Variants in ANKRD30B observed in about 807,000 individuals in gnomAD.
ANKRD30B encodes the protein ankyrin repeat domain 30B, also known as ankyrin repeat domain-containing protein 30B.
A neutral mutation model predicts 202.2 loss-of-function variants in ANKRD30B; 144 were observed. That is an observed-to-expected ratio of 0.71 (90% CI 0.62 to 0.82). The LOEUF is 0.82. ANKRD30B is among the 40% of genes least tolerant of loss of function. The pLI, the probability that ANKRD30B is intolerant of heterozygous loss-of-function variation, is 0.00. For missense variants in ANKRD30B, 1,487 were observed against 1,669.1 expected (o/e 0.89, Z 1.90); for synonymous variants, 508 against 561.3 (o/e 0.91, Z 1.34).
At chr18:14,865,187 C>T in the ANKRD30B span, among the ~76,000 whole-genome samples, 1 of 151,710 alleles carries the variant, frequency 6.6e-6, no homozygotes, top group East Asian at 2.0e-4. Flanking sequence ...TGCCTATCGT[C>T]TTTTCGCAAA....
rs754325447 is a variant in ANKRD30B, at chr18:14,851,924, A to C, written c.3980A>C (p.Asp1327Ala). 5.0e-6 allele frequency: 8 copies of C among 1,605,006 alleles called. No individual in the cohort carries two copies. The highest frequency in any genetic ancestry group is 6.8e-6 in the Non-Finnish European group (8 of 1,174,806). ...GAACTTGCTTTCCACAGTGCAGGAG[A>C]TGCTCCTTTGCAAGGAATAATGAAT... ...NQELAFHSAG[D>A]APLQGIMNVD... The change falls in exon 42 of 44, where the codon GAT becomes GCT. Residue 1327 changes from aspartate (D) to alanine (A), a missense_variant. Coordinates refer to ENST00000690538, the MANE Select transcript of ANKRD30B (RefSeq NM_001367607.2).
rs749760151 is a variant in ANKRD30B, at chr18:14,763,756, C to T, written c.891C>T (p.Ser297=). 6.2e-7 allele frequency: 1 copy of T among 1,614,004 alleles called. No individual in the cohort carries two copies. The highest frequency in any genetic ancestry group is 1.7e-5 in the Admixed American group (1 of 59,992). Residue 297 remains serine (S), a synonymous_variant, in exon 7 of 44, where the codon AGC becomes AGT. Transcript: ENST00000690538. ...AAAGAACACCTGACACGGCTGAAAG[C>T]TTGCTGGAAAAAACACCTGACGAGG... ...LAERTPDTAE[S]LLEKTPDEAA...
At chr18:14,845,079 G>T (rs1206317973) in intron 39 of ANKRD30B, among the ~76,000 whole-genome samples, 1 of 151,950 alleles carries the variant, frequency 6.6e-6, no homozygotes, top group African/African-American at 2.4e-5. Context: ...TTGCTGTGCT[G>T]AAGCTCTTTA....
the ANKRD30B span, among the ~76,000 whole-genome samples, chr18:14,885,736 T>C: frequency 1.3e-5 from 2 of 152,122 alleles, no homozygotes; most frequent in Admixed American, 1.3e-4. Context: ...TGTCATTAAA[T>C]TGAATTTGTA....
At chr18:14,892,194 C>G in the ANKRD30B span, among the ~76,000 whole-genome samples, 1 of 152,220 alleles carries the variant, frequency 6.6e-6, no homozygotes, top group African/African-American at 2.4e-5. Flanking sequence ...AAAGAGAATG[C>G]TGATGCACAA....
At chr18:14,841,348 A>G (rs1284005073) in intron 37 of ANKRD30B, among the ~76,000 whole-genome samples, 1 of 152,124 alleles carries the variant, frequency 6.6e-6, no homozygotes, top group African/African-American at 2.4e-5. Flanking sequence ...GGCATTTTTA[A>G]TAAATTCTCA....
rs34809108 is a variant in ANKRD30B, at chr18:14,792,729, AATATAT to A, written c.1825+1253_1825+1258del. On this transcript the variant is annotated intron_variant, in intron 16 of 43. Transcript: ENST00000690538. The stretch of plus-strand genomic sequence containing the variant: ...TTTTCTTTATTACTATGAGGCATCA[AATATAT>A]ATATATATATATATGTATATATTTT... 2.2e-4 allele frequency among the ~76,000 whole-genome samples: 32 copies of A among 147,736 alleles called. No individual in the cohort carries two copies. In the South Asian group the frequency reaches 3.0e-3, roughly 14 times the overall value.
At chr18:14,775,256 G>A (rs993574716) in intron 9 of ANKRD30B, among the ~76,000 whole-genome samples, 1 of 152,244 alleles carries the variant, frequency 6.6e-6, no homozygotes. Context: ...TTTGAAGCCA[G>A]TGTAGAATAG....
At chr18:14,756,039 A>G (rs1254464062) in intron 4 of ANKRD30B, among the ~76,000 whole-genome samples, 2 of 152,176 alleles carry the variant, frequency 1.3e-5, no homozygotes, top group African/African-American at 4.8e-5. Flanking sequence ...AAGTGTTCCT[A>G]TTTCTCCACA....
At chr18:14,938,367 G>A in the ANKRD30B span, among the ~76,000 whole-genome samples, 1 of 152,222 alleles carries the variant, frequency 6.6e-6, no homozygotes, top group African/African-American at 2.4e-5. Flanking sequence ...AGGATGAAAT[G>A]CTCCCACGCT....
At chr18:14,861,457 G>A in the ANKRD30B span, among the ~76,000 whole-genome samples, 1 of 151,046 alleles carries the variant, frequency 6.6e-6, no homozygotes, top group East Asian at 1.9e-4. Flanking sequence ...AACAAAAAAG[G>A]AGAGGTATTG....
chr18:14,782,674 G>A (rs1410745494), intron 12 of ANKRD30B, 60 bp downstream of exon 12: 6 of 1,101,350 alleles, frequency 5.4e-6, no homozygotes, highest in Non-Finnish European at 6.4e-6. Flanking sequence ...AACGCATGAT[G>A]ACTGAAATAC....
chr18:14,877,956 T>G, the ANKRD30B span: 1 of 152,178 alleles, frequency 6.6e-6, no homozygotes, highest in African/African-American at 2.4e-5. Context: ...TCTTTTTGTC[T>G]CCCTGACTCT....
intron 4 of ANKRD30B, among the ~76,000 whole-genome samples, chr18:14,757,274 C>A (rs1309151358): frequency 6.6e-6 from 1 of 152,054 alleles, no homozygotes; most frequent in African/African-American, 2.4e-5. Flanking sequence ...TACATAATAC[C>A]GAGTATGACT....
intron 39 of ANKRD30B, among the ~76,000 whole-genome samples, chr18:14,847,068 ATATATATATATATATATATATATAT>A (rs1568072812): frequency 3.1e-5 from 1 of 31,784 alleles, no homozygotes; most frequent in Non-Finnish European, 7.1e-5. Flanking sequence ...ATATATATAT[ATATATATATATATATATATATATAT>A]GTATAATGTT....
intron 7 of ANKRD30B, among the ~76,000 whole-genome samples, chr18:14,768,002 T>C (rs1008895079): frequency 1.3e-5 from 2 of 152,234 alleles, no homozygotes; most frequent in African/African-American, 4.8e-5. Context: ...TGTCTTTGTA[T>C]GCTAATAATT....
chr18:14,807,398 A>G (rs1277125422), intron 24 of ANKRD30B, among the ~76,000 whole-genome samples: 1 of 150,718 alleles, frequency 6.6e-6, no homozygotes, highest in African/African-American at 2.5e-5. Context: ...AAAGCAAAGC[A>G]ATTGTAGAAT....
At chr18:14,754,859 T>C (rs2143655656) in intron 3 of ANKRD30B, 40 bp from the exon 4 acceptor site, 3 of 1,377,160 alleles carry the variant, frequency 2.2e-6, no homozygotes, top group Non-Finnish European at 2.9e-6. Flanking sequence ...CTGAGAAATA[T>C]GTAATTTCAT....
At chr18:14,818,753 G>A (rs1414095063) in intron 30 of ANKRD30B, among the ~76,000 whole-genome samples, 1 of 151,868 alleles carries the variant, frequency 6.6e-6, no homozygotes, top group African/African-American at 2.4e-5. Context: ...TCTTAATCCA[G>A]TCTATCATTG....
Sources: allele counts gnomAD v4.1 joint callset (sites outside exome capture counted in the v4.1 genomes callset), GRCh38; gene constraint gnomAD v4.1.1; transcripts MANE v1.5; gene names NCBI Gene and HGNC (gene_info 2026-07-23, HGNC 2026-07-21).